Variants in TSHR observed in about 807,000 individuals in gnomAD.
The protein encoded by TSHR is thyrotropin receptor.
In TSHR, 51 loss-of-function variants were observed where a neutral mutation model predicts 64.1. That is an observed-to-expected ratio of 0.80 (90% confidence interval 0.64 to 1.01). The LOEUF is 1.01. TSHR is among the 50% of genes least tolerant of loss of function. The probability of loss-of-function intolerance (pLI) is 0.00; values close to 1 mark genes in which losing one functional copy is unlikely to be tolerated. For synonymous variants in TSHR, 361 were observed against 361.9 expected (o/e 1.00, Z 0.03); for missense variants, 877 against 942.8 (o/e 0.93, Z 0.91).
intron 1 of TSHR, among the ~76,000 whole-genome samples, chr14:80,956,227 G>T (rs144721732): frequency 6.6e-6 from 1 of 152,168 alleles, no homozygotes; most frequent in Non-Finnish European, 1.5e-5. Flanking sequence ...CTTACCTTGG[G>T]TAATAAAAAA....
In TSHR at chr14:81,040,601, A is replaced by G. The variant is rs570090884; in HGVS notation, c.171-21547A>G. Reference sequence around the variant, plus strand: ...AATATACAGAATACAAAAGAAACCCAAACAACTCAGCAAAAAAACAAATAC... The same window carrying G: ...AATATACAGAATACAAAAGAAACCCGAACAACTCAGCAAAAAAACAAATAC... On this transcript the variant is annotated intron_variant, in intron 1 of 9. Coordinates refer to ENST00000298171, the MANE Select transcript of TSHR (RefSeq NM_000369.5). 3.4e-4 allele frequency among the ~76,000 whole-genome samples: 51 copies of G among 152,232 alleles called. 1 individual carries two copies. The South Asian group carries it at 0.01, about 30-fold the overall frequency.
intron 8 of TSHR, among the ~76,000 whole-genome samples, chr14:81,128,986 CAG>C (rs1367934693): frequency 6.6e-6 from 1 of 152,168 alleles, no homozygotes; most frequent in Non-Finnish European, 1.5e-5. Flanking sequence ...ATGACTGAAA[CAG>C]AGGATACTCC....
At chr14:81,092,233 G>A (rs1247360050) in intron 5 of TSHR, among the ~76,000 whole-genome samples, 3 of 152,106 alleles carry the variant, frequency 2.0e-5, no homozygotes, top group Admixed American at 6.5e-5. Flanking sequence ...AGATTCGGGA[G>A]AAGCCTCTCA....
chr14:81,115,682 C>G (rs1443576634), intron 8 of TSHR, among the ~76,000 whole-genome samples: 2 of 151,912 alleles, frequency 1.3e-5, no homozygotes, highest in African/African-American at 4.8e-5. Context: ...ACAGAGAATG[C>G]CACAAAGATA....
At chr14:81,015,977 A>G (rs1254329624) in intron 1 of TSHR, among the ~76,000 whole-genome samples, 2 of 152,150 alleles carry the variant, frequency 1.3e-5, no homozygotes, top group Non-Finnish European at 2.9e-5. Flanking sequence ...AAGACTGAGT[A>G]GTATTCTATT....
intron 7 of TSHR, chr14:81,104,252 C>G (rs1025107102): frequency 9.1e-6 from 9 of 985,294 alleles, no homozygotes; most frequent in Non-Finnish European, 1.1e-5. Context: ...GAGAGGTAGG[C>G]AGGGGGTCCC....
chr14:81,037,435 ACAAACAAAC>A (rs1566774804), intron 1 of TSHR, among the ~76,000 whole-genome samples: 7 of 147,632 alleles, frequency 4.7e-5, no homozygotes, highest in African/African-American at 1.8e-4. Context: ...AAACAAACAA[ACAAACAAAC>A]AAAAAACAGA....
chr14:81,103,354 T>A lies in TSHR; in HGVS notation c.615-5021T>A. ...ATTTGGTAATTTCTCCAGAAGTTTG[T>A]CCAGGTATCATTAGGTTCTCATTTA... On this transcript the variant is annotated intron_variant, in intron 7 of 9. Transcript: ENST00000298171. The surrounding 1 kb of genome is among the most constrained non-coding windows in gnomAD (Gnocchi z 4.1). The A allele has an allele frequency of 1.0e-6, 1 of 985,440 alleles. No individual in the cohort carries two copies. The highest frequency in any genetic ancestry group is 1.2e-6 in the Non-Finnish European group (1 of 829,918). The allele number at this position is 985,440 out of a possible 1,614,324, so 61.0% of individuals were successfully genotyped here. A position where few individuals can be genotyped will look rare whatever the true frequency, so the allele number is the denominator to read the frequency against.
intron 7 of TSHR, chr14:81,107,198 C>G (rs1345997374): frequency 6.6e-6 from 1 of 152,070 alleles, no homozygotes; most frequent in Non-Finnish European, 1.5e-5. Context: ...AGAAATCCTT[C>G]CGACTGAAGG....
At chr14:81,100,904 T>C (rs2300535) in intron 7 of TSHR, among the ~76,000 whole-genome samples, 1 of 152,016 alleles carries the variant, frequency 6.6e-6, no homozygotes, top group South Asian at 2.1e-4. Flanking sequence ...TTACATAGGC[T>C]TGATTTATTA....
intron 2 of TSHR, among the ~76,000 whole-genome samples, chr14:81,067,705 G>A (rs1226989070): frequency 6.7e-6 from 1 of 148,482 alleles, no homozygotes; most frequent in Non-Finnish European, 1.5e-5. Context: ...TTGGACATCT[G>A]TGTATTTTAA....
intron 1 of TSHR, among the ~76,000 whole-genome samples, chr14:81,030,433 T>C (rs1252894088): frequency 6.6e-6 from 1 of 152,198 alleles, no homozygotes. Context: ...AATCTGAAGT[T>C]TGGCCTTGAA....
At chr14:81,059,282 T>C (rs190544840) in intron 1 of TSHR, among the ~76,000 whole-genome samples, 1 of 152,186 alleles carries the variant, frequency 6.6e-6, no homozygotes, top group Non-Finnish European at 1.5e-5. Context: ...AATGTTTTCA[T>C]AAGCTCAATC....
At chr14:81,011,299 T>C (rs116805391) in intron 1 of TSHR, among the ~76,000 whole-genome samples, 1,800 of 152,130 alleles carry the variant, frequency 0.012, 21 homozygotes, top group African/African-American at 0.016. Context: ...ACCATTCTGG[T>C]TAGTGCATTT....
chr14:80,979,306 C>G (rs1328536730), intron 1 of TSHR, among the ~76,000 whole-genome samples: 2 of 152,072 alleles, frequency 1.3e-5, no homozygotes, highest in Non-Finnish European at 2.9e-5. Flanking sequence ...TATGTGGAGT[C>G]TAATGACATT....
At chr14:81,053,260 T>C (rs1342299471) in intron 1 of TSHR, 1 of 152,208 alleles carries the variant, frequency 6.6e-6, no homozygotes, top group Admixed American at 6.6e-5. Flanking sequence ...TTCAATTGAT[T>C]GGATGAGGCC....
chr14:81,138,951 T>C (rs1370792630), intron 8 of TSHR, among the ~76,000 whole-genome samples: 1 of 152,184 alleles, frequency 6.6e-6, no homozygotes, highest in Non-Finnish European at 1.5e-5. Context: ...GCCACACTAA[T>C]GCCACGAATT....
At chr14:81,094,254 A>G (rs986083725) in intron 6 of TSHR, 1 of 152,220 alleles carries the variant, frequency 6.6e-6, no homozygotes, top group African/African-American at 2.4e-5. Flanking sequence ...CAAAGTTTGT[A>G]ATTCTTTTGT....
chr14:81,104,734 T>A, intron 7 of TSHR: 1 of 985,420 alleles, frequency 1.0e-6, no homozygotes, highest in Non-Finnish European at 1.2e-6. Flanking sequence ...CCTGACTGCA[T>A]TGGTCTTCCC....
Sources: gnomAD v4.1 joint callset for allele counts (sites outside exome capture counted in the v4.1 genomes callset) on GRCh38, gnomAD v4.1.1 for gene constraint, Gnocchi (gnomAD v3.1) non-coding constraint, MANE v1.5 for transcripts, NCBI Gene and HGNC (gene_info 2026-07-23, HGNC 2026-07-21) for gene names.